Variants in MAGI3 observed in about 807,000 individuals in gnomAD.
MAGI3 encodes membrane-associated guanylate kinase, WW and PDZ domain-containing protein 3.
A neutral mutation model predicts 121.8 loss-of-function variants in MAGI3; 43 were observed. The ratio of observed to expected loss-of-function variants is 0.35; its 90% CI spans 0.28 to 0.46. The LOEUF (loss-of-function observed/expected upper bound fraction) is 0.46, where lower values mean the gene tolerates loss of function less well. Ranked by LOEUF, MAGI3 falls within the 20% of genes least tolerant of loss-of-function variation. The pLI, the probability that MAGI3 is intolerant of heterozygous loss-of-function variation, is 1.00. For synonymous variants in MAGI3, 553 were observed against 639.3 expected (o/e 0.86, Z 2.04); for missense variants, 1,547 against 1,797.3 (o/e 0.86, Z 2.52).
At chr1:113,459,468 T>C (rs1048654343) in intron 1 of MAGI3, among the ~76,000 whole-genome samples, 2 of 152,164 alleles carry the variant, frequency 1.3e-5, no homozygotes, top group Non-Finnish European at 2.9e-5. Context: ...CACAATGAAG[T>C]TTCCTGTTGA....
At chr1:113,576,868 A>C (rs1465337876) in intron 2 of MAGI3, 1 of 152,168 alleles carries the variant, frequency 6.6e-6, no homozygotes, top group African/African-American at 2.4e-5. Context: ...GTATGGCTTT[A>C]AAGAAAGTGT....
At chr1:113,506,456 T>C (rs998918316) in intron 1 of MAGI3, among the ~76,000 whole-genome samples, 1 of 152,100 alleles carries the variant, frequency 6.6e-6, no homozygotes, top group Non-Finnish European at 1.5e-5. Context: ...ACACCAGTGT[T>C]CTACATTTCA....
chr1:113,490,639 C>A (rs541869531), intron 1 of MAGI3, among the ~76,000 whole-genome samples: 1 of 152,202 alleles, frequency 6.6e-6, no homozygotes, highest in African/African-American at 2.4e-5. Context: ...CAGTCTCACA[C>A]GGAGTGACAT....
intron 1 of MAGI3, among the ~76,000 whole-genome samples, chr1:113,535,840 T>C (rs555613737): frequency 6.6e-6 from 1 of 152,278 alleles, no homozygotes; most frequent in East Asian, 1.9e-4. Flanking sequence ...ACCTACTTGA[T>C]ATTTCTACAA....
Position 113,637,634 on chromosome 1 carries a change from C to T in MAGI3, c.1361-4277C>T, listed in dbSNP as rs1435880659. ...TGATGGGCTTCCCTTTGTGGGTAAC[C>T]CGACCTTTCTCTCTGGCTGCCCTTA... On this transcript the variant is annotated intron_variant, in intron 9 of 20. Transcript: ENST00000307546. Among the ~76,000 whole-genome samples, 3 of 152,132 alleles carry T rather than the reference C, an allele frequency of 2.0e-5. No homozygotes were observed. In the East Asian group the frequency reaches 5.8e-4, roughly 29 times the overall value.
intron 16 of MAGI3, among the ~76,000 whole-genome samples, chr1:113,670,324 A>C (rs183297363): frequency 6.6e-5 from 10 of 152,324 alleles, no homozygotes; most frequent in African/African-American, 2.4e-4. Context: ...AAAATAAGCA[A>C]TTTATCTGTG....
At chr1:113,634,893 T>A (rs925699568) in intron 9 of MAGI3, among the ~76,000 whole-genome samples, 1 of 152,156 alleles carries the variant, frequency 6.6e-6, no homozygotes, top group Non-Finnish European at 1.5e-5. Context: ...TTTCTTTGTA[T>A]CCTCTTTTAT....
At chr1:113,397,637 TAGAG>T (rs2101280160) in intron 1 of MAGI3, among the ~76,000 whole-genome samples, 1 of 152,260 alleles carries the variant, frequency 6.6e-6, no homozygotes, top group South Asian at 2.1e-4. Flanking sequence ...AATTGGAAAA[TAGAG>T]GGAAGATCAT....
chr1:113,656,414 T>G (rs1490240623), intron 15 of MAGI3, among the ~76,000 whole-genome samples: 2 of 150,918 alleles, frequency 1.3e-5, no homozygotes, highest in East Asian at 3.9e-4. Context: ...CAGTATTTTC[T>G]TTTTCTTTTT....
At position 113,673,386 on chromosome 1, in the gene MAGI3, G is replaced by A. The variant is rs751100512; in HGVS notation, c.3110G>A (p.Gly1037Glu). The A allele has an allele frequency of 1.9e-6, 3 of 1,612,354 alleles. No individual in the cohort carries two copies. Among genetic ancestry groups the A allele is most frequent in the Non-Finnish European group, 2.5e-6 (3 of 1,179,762 alleles). The part of the protein sequence containing the change: ...GPRGFGFSLR[G>E]GKEYNMGLFI... Reference sequence around the variant, plus strand: ...CGGGGCTTTGGATTCAGCCTCCGAGGGGGGAAGGAGTACAACATGGGGCTG... The same window carrying A: ...CGGGGCTTTGGATTCAGCCTCCGAGAGGGGAAGGAGTACAACATGGGGCTG... The change falls in exon 19 of 21, where the codon GGG (glycine) becomes GAG (glutamate). Residue 1037 changes from glycine to glutamate, a missense_variant. By Grantham distance (98) the Gly-to-Glu change is moderately conservative (BLOSUM62 -2). Transcript: ENST00000307546.
chr1:113,519,649 C>T (rs1284940454), intron 1 of MAGI3, among the ~76,000 whole-genome samples: 1 of 152,094 alleles, frequency 6.6e-6, no homozygotes, highest in African/African-American at 2.4e-5. Flanking sequence ...CTCAAGCTCC[C>T]AGTGGAGTCA....
intron 4 of MAGI3, among the ~76,000 whole-genome samples, chr1:113,585,843 C>A (rs1023535818): frequency 5.3e-5 from 8 of 151,838 alleles, no homozygotes; most frequent in African/African-American, 1.7e-4. Context: ...ATGCCATTAC[C>A]CTGCTGTTTA....
Position 113,642,612 on chromosome 1 carries a change from G to C in MAGI3, c.1966+96G>C, listed in dbSNP as rs1652612438. 5.4e-6 allele frequency: 7 copies of C among 1,307,462 alleles called. No individual in the cohort carries two copies. The East Asian group carries it at 1.6e-4, about 30-fold the overall frequency. 81.0% of individuals were successfully genotyped at this position (1,307,462 alleles called of 1,614,324 possible). ...CAGTTTAGAATGTGTTTTCCCAGCA[G>C]ACTTAACTAGTAATTAGTGTGCATT... On this transcript the variant is annotated intron_variant, in intron 10 of 20. Transcript: ENST00000307546.
At chr1:113,608,215 G>A (rs999555688) in intron 6 of MAGI3, among the ~76,000 whole-genome samples, 1 of 151,952 alleles carries the variant, frequency 6.6e-6, no homozygotes, top group African/African-American at 2.4e-5. Flanking sequence ...TTTGAAAAGA[G>A]GGAAAGAGGG....
At chr1:113,633,536 C>T (rs1443673482) in intron 9 of MAGI3, among the ~76,000 whole-genome samples, 1 of 152,050 alleles carries the variant, frequency 6.6e-6, no homozygotes, top group African/African-American at 2.4e-5. Flanking sequence ...GCTGGGATTA[C>T]AGGCGTGAGC....
At chr1:113,587,020 T>C (rs769647489) in intron 4 of MAGI3, among the ~76,000 whole-genome samples, 1 of 152,192 alleles carries the variant, frequency 6.6e-6, no homozygotes, top group Non-Finnish European at 1.5e-5. Flanking sequence ...GACACTTACA[T>C]TGAATTACAT....
At chr1:113,427,321 A>G (rs948051687) in intron 1 of MAGI3, among the ~76,000 whole-genome samples, 2 of 152,230 alleles carry the variant, frequency 1.3e-5, no homozygotes, top group African/African-American at 2.4e-5. Context: ...TGCCAGTGCC[A>G]TCTGGCCCCC....
At chr1:113,664,728 G>T (rs913600770) in intron 16 of MAGI3, among the ~76,000 whole-genome samples, 2 of 152,154 alleles carry the variant, frequency 1.3e-5, no homozygotes, top group South Asian at 2.1e-4. Flanking sequence ...ATCAGCTTTT[G>T]AATTTGCTAG....
Position 113,642,379 on chromosome 1 carries a change from G to A in MAGI3, c.1829G>A (p.Cys610Tyr). ...AAAATGATACTGGATAGTCAGTGGTGTCAAGGCCTTCAGAAAGGAGATATA... is the reference window on the plus strand; with the variant it reads ...AAAATGATACTGGATAGTCAGTGGTATCAAGGCCTTCAGAAAGGAGATATA... ...KVKMILDSQW[C>Y]QGLQKGDIIK... The change falls in exon 10 of 21, where the codon TGT becomes TAT. Residue 610 changes from cysteine (C) to tyrosine (Y), a missense_variant. Physicochemically the swap from Cys to Tyr is radical, Grantham distance 194 (BLOSUM62 -2). Coordinates refer to ENST00000307546, the MANE Select transcript of MAGI3 (RefSeq NM_001142782.2). 6.2e-7 allele frequency: 1 copy of A among 1,614,162 alleles called. No individual in the cohort carries two copies. The highest frequency in any genetic ancestry group is 8.5e-7 in the Non-Finnish European group (1 of 1,180,026).
Sources: allele counts gnomAD v4.1 joint callset (sites outside exome capture counted in the v4.1 genomes callset), GRCh38; gene constraint gnomAD v4.1.1; transcripts MANE v1.5; gene names NCBI Gene and HGNC (gene_info 2026-07-23, HGNC 2026-07-21).